Variants in TRPM7 observed in about 807,000 individuals in gnomAD.
TRPM7 encodes LTRPC ion channel family member 7.
TRPM7 carries 134 observed loss-of-function variants against 229.7 expected under a neutral mutation model. The ratio of observed to expected loss-of-function variants is 0.58; its 90% confidence interval spans 0.51 to 0.67. TRPM7 has a LOEUF of 0.67. Ranked by LOEUF, TRPM7 falls within the 30% of genes least tolerant of loss-of-function variation. The pLI is 0.00. For synonymous variants in TRPM7, 699 were observed against 715.2 expected, an observed-to-expected ratio of 0.98 and a Z score of 0.36; for missense variants, 1,901 against 2,210.0, an observed-to-expected ratio of 0.86 and a Z score of 2.80.
chr15:50,610,010 A>C (rs1319874234), intron 17 of TRPM7, 49 bp from the exon 18 acceptor site: 1 of 1,282,174 alleles, frequency 7.8e-7, no homozygotes, highest in African/African-American at 1.5e-5. Context: ...ATGACCTTCA[A>C]GAATATAATA....
At chr15:50,608,656 A>C (rs1224054330) in intron 19 of TRPM7, among the ~76,000 whole-genome samples, 1 of 152,226 alleles carries the variant, frequency 6.6e-6, no homozygotes, top group African/African-American at 2.4e-5. Context: ...TAGAGGTGTA[A>C]GGAAATGTTA....
intron 13 of TRPM7, among the ~76,000 whole-genome samples, chr15:50,619,105 T>C (rs1044947330): frequency 6.6e-6 from 1 of 152,206 alleles, no homozygotes; most frequent in Non-Finnish European, 1.5e-5. Context: ...AGGAATAAAT[T>C]TCTGCTGAAG....
At chr15:50,603,065 T>A (rs1237408154) in intron 21 of TRPM7, among the ~76,000 whole-genome samples, 1 of 152,182 alleles carries the variant, frequency 6.6e-6, no homozygotes, top group Non-Finnish European at 1.5e-5. Context: ...CTGCCCTATT[T>A]TTCCTTGAAA....
At chr15:50,564,894 A>G (rs1366314137) in intron 38 of TRPM7, among the ~76,000 whole-genome samples, 2 of 152,194 alleles carry the variant, frequency 1.3e-5, no homozygotes, top group Non-Finnish European at 2.9e-5. Context: ...GAGAAACACA[A>G]TTATAGCTCA....
intron 19 of TRPM7, among the ~76,000 whole-genome samples, chr15:50,608,772 A>G (rs1487127290): frequency 6.6e-6 from 1 of 152,230 alleles, no homozygotes; most frequent in Non-Finnish European, 1.5e-5. Context: ...GTTAAAAAAC[A>G]TCTTCATTAA....
chr15:50,668,261 A>G (rs1467989378), intron 1 of TRPM7, among the ~76,000 whole-genome samples: 1 of 152,248 alleles, frequency 6.6e-6, no homozygotes. Context: ...GTTCACGTGT[A>G]TCAAACAGGA....
chr15:50,565,325 T>C (rs191737001), intron 38 of TRPM7, among the ~76,000 whole-genome samples: 25 of 152,242 alleles, frequency 1.6e-4, no homozygotes, highest in African/African-American at 5.8e-4. Context: ...AACCTCAGTA[T>C]ATGCTGTCTA....
intron 1 of TRPM7, among the ~76,000 whole-genome samples, chr15:50,683,452 A>C (rs956119916): frequency 6.6e-6 from 1 of 151,538 alleles, no homozygotes; most frequent in African/African-American, 2.4e-5. Context: ...AAAAAAAAAG[A>C]AGCCAGGGTC....
chr15:50,599,702 T>A (rs1332628377), intron 21 of TRPM7: 1 of 153,380 alleles, frequency 6.5e-6, no homozygotes, highest in Non-Finnish European at 1.5e-5. Context: ...GACTCTCTCT[T>A]TTCCATGTTG....
rs1401999817 is a variant in TRPM7 at position 50,574,900 on chromosome 15, T to C, written c.4971A>G (p.Thr1657=). 5 of 1,613,526 alleles carry C rather than the reference T, an allele frequency of 3.1e-6. No homozygotes were observed. Among genetic ancestry groups the C allele is most frequent in the Admixed American group, 1.7e-5 (1 of 60,020 alleles). ...TATCTTCTTTGTAAATACTTGACCA[T>C]GTATTAACCACCTCTGGAAGAAAAG... ...IKSFLPEVVN[T]WSSIYKEDTV... Residue 1657 remains threonine, a synonymous_variant, in exon 34 of 39, where the codon ACA becomes ACG. Transcript: ENST00000646667.
chr15:50,601,820 C>T (rs928674941), intron 21 of TRPM7, among the ~76,000 whole-genome samples: 7 of 151,752 alleles, frequency 4.6e-5, no homozygotes, highest in Non-Finnish European at 1.0e-4. Flanking sequence ...TGGCAAAAAC[C>T]GCAATTACTT....
At chr15:50,588,103 G>A (rs1486852274) in intron 27 of TRPM7, 3 of 398,266 alleles carry the variant, frequency 7.5e-6, no homozygotes, top group African/African-American at 2.2e-5. Flanking sequence ...TAGGTCCGCT[G>A]AACCTACACC....
chr15:50,633,678 C>T (rs1209360855), intron 8 of TRPM7, among the ~76,000 whole-genome samples: 4 of 152,284 alleles, frequency 2.6e-5, no homozygotes, highest in African/African-American at 9.6e-5. Context: ...TATAAATACA[C>T]CATAACTTAT....
intron 10 of TRPM7, among the ~76,000 whole-genome samples, chr15:50,629,884 G>C (rs2060680304): frequency 9.3e-6 from 1 of 107,978 alleles, no homozygotes; most frequent in African/African-American, 3.8e-5. Context: ...TTTTTTTGGA[G>C]ACAGTTTCAC....
intron 38 of TRPM7, among the ~76,000 whole-genome samples, chr15:50,566,422 G>A (rs1217441614): frequency 6.6e-6 from 1 of 152,072 alleles, no homozygotes; most frequent in Non-Finnish European, 1.5e-5. Context: ...CTGAGGCCGG[G>A]CGCAGTGGCT....
intron 3 of TRPM7, among the ~76,000 whole-genome samples, chr15:50,650,694 CA>C (rs201554690): frequency 7.0e-6 from 1 of 141,930 alleles, no homozygotes; most frequent in Admixed American, 7.0e-5. Context: ...GACTGGGTCT[CA>C]AAAAAAACAA....
chr15:50,582,257 C>T (rs1359632707), intron 29 of TRPM7, among the ~76,000 whole-genome samples: 1 of 152,274 alleles, frequency 6.6e-6, no homozygotes, highest in Non-Finnish European at 1.5e-5. Context: ...CTGCACACAG[C>T]CCCCACCGAG....
intron 9 of TRPM7, among the ~76,000 whole-genome samples, chr15:50,631,707 T>C (rs575663913): frequency 1.3e-5 from 2 of 152,216 alleles, no homozygotes; most frequent in South Asian, 2.1e-4. Context: ...TTAAAAACTT[T>C]ATCATTTACT....
intron 1 of TRPM7, among the ~76,000 whole-genome samples, chr15:50,665,307 C>T (rs1374338944): frequency 6.6e-6 from 1 of 151,330 alleles, no homozygotes; most frequent in Non-Finnish European, 1.5e-5. Context: ...TGAGGCAGAA[C>T]TGCTTGAACC....
Sources: gnomAD v4.1 joint callset for allele counts (sites outside exome capture counted in the v4.1 genomes callset) on GRCh38, gnomAD v4.1.1 for gene constraint, MANE v1.5 for transcripts, NCBI Gene and HGNC (gene_info 2026-07-23, HGNC 2026-07-21) for gene names.